ANXA10: variants seen among roughly 807,000 people sequenced by gnomAD.
The protein encoded by ANXA10 is annexin 14.
Under a neutral mutation model 53.5 loss-of-function variants are expected in ANXA10, and 49 were observed. The ratio of observed to expected loss-of-function variants is 0.92; its 90% CI spans 0.73 to 1.16. The LOEUF is 1.16. ANXA10 is among the 50% of genes most tolerant of loss of function. The pLI is 0.00. For missense variants in ANXA10, 393 were observed against 394.4 expected, an observed-to-expected ratio of 1.00 and a Z score of 0.03; for synonymous variants, 131 against 128.9, an observed-to-expected ratio of 1.02 and a Z score of -0.11.
intron 1 of ANXA10, among the ~76,000 whole-genome samples, chr4:168,093,358 A>G (rs1579194968): frequency 6.6e-6 from 1 of 152,182 alleles, no homozygotes; most frequent in East Asian, 1.9e-4. Context: ...GAATCATTTT[A>G]GTCCAACTGC....
intron 1 of ANXA10, among the ~76,000 whole-genome samples, chr4:168,110,060 A>G (rs1403063302): frequency 6.6e-6 from 1 of 152,020 alleles, no homozygotes; most frequent in African/African-American, 2.4e-5. Context: ...AATACAAAAG[A>G]ATTAGCCAGA....
intron 2 of ANXA10, among the ~76,000 whole-genome samples, chr4:168,138,251 G>A (rs1306037393): frequency 2.6e-5 from 4 of 152,006 alleles, no homozygotes; most frequent in Admixed American, 6.6e-5. Flanking sequence ...ATGAGCCATC[G>A]TGCCTGGCCA....
chr4:168,152,138 A>C (rs1442249942), intron 3 of ANXA10, among the ~76,000 whole-genome samples: 1 of 152,226 alleles, frequency 6.6e-6, no homozygotes, highest in Non-Finnish European at 1.5e-5. Flanking sequence ...CATGCATAGA[A>C]GGCAATAAAT....
chr4:168,184,984 C>A (rs1431258857), intron 11 of ANXA10, among the ~76,000 whole-genome samples: 2 of 152,076 alleles, frequency 1.3e-5, no homozygotes, highest in Admixed American at 6.5e-5. Context: ...GAAACCCCGT[C>A]TCTACTAAAA....
At chr4:168,126,305 T>C (rs952472516) in intron 1 of ANXA10, among the ~76,000 whole-genome samples, 8 of 152,322 alleles carry the variant, frequency 5.3e-5, no homozygotes, top group Admixed American at 3.3e-4. Context: ...AAATCTGTAT[T>C]TATTGAAAAC....
At chr4:168,175,198 G>T (rs1454672957) in intron 6 of ANXA10, among the ~76,000 whole-genome samples, 2 of 152,162 alleles carry the variant, frequency 1.3e-5, no homozygotes, top group African/African-American at 2.4e-5. Flanking sequence ...AGTGATGAAA[G>T]TATAGCAAGA....
rs1200747514 is a variant in ANXA10 at position 168,151,911 on chromosome 4, C to A, written c.196-10617C>A. 2.0e-5 allele frequency among the ~76,000 whole-genome samples: 3 copies of A among 152,178 alleles called. No homozygotes were observed. In the South Asian group the frequency reaches 6.2e-4, roughly 32 times the overall value. On this transcript the variant is annotated intron_variant, in intron 3 of 11. Coordinates refer to ENST00000359299, the MANE Select transcript of ANXA10 (RefSeq NM_007193.5). ...ATAAGGACCTTCACTTATTTATGTT[C>A]AAATTGCCAAGAATGACTCCAAACA... is the stretch of plus-strand genomic sequence containing the variant.
chr4:168,114,810 G>A (rs190225160), intron 1 of ANXA10, among the ~76,000 whole-genome samples: 16 of 152,226 alleles, frequency 1.1e-4, no homozygotes, highest in East Asian at 3.9e-4. Context: ...TGTGCCTGCC[G>A]AAGACACGAT....
In ANXA10 at chr4:168,139,531, A is replaced by G; in HGVS notation, c.146A>G (p.Asn49Ser). The G allele has an allele frequency of 6.2e-7, 1 of 1,613,330 alleles. No homozygotes were observed. Among genetic ancestry groups the G allele is most frequent in the East Asian group, 2.2e-5 (1 of 44,822 alleles). The change falls in exon 3 of 12, where the codon AAT becomes AGT. Residue 49 changes from asparagine (N) to serine (S), a missense_variant. Asn to Ser is a conservative substitution (Grantham distance 46). Coordinates refer to ENST00000359299, the MANE Select transcript of ANXA10 (RefSeq NM_007193.5). ...ATCAACATTCTGACTCAGCGCTGCA[A>G]TGCACAAAGGATGATGATTGCAGAG... ...MLINILTQRCNAQRMMIAEAY... is the reference protein window; with the variant it reads ...MLINILTQRCSAQRMMIAEAY...
chr4:168,128,678 G>A (rs1427018363), intron 2 of ANXA10, among the ~76,000 whole-genome samples: 1 of 152,008 alleles, frequency 6.6e-6, no homozygotes, highest in African/African-American at 2.4e-5. Flanking sequence ...TCAAGAATCT[G>A]TTCAGATGAG....
chr4:168,180,666 G>A (rs1448954737), intron 9 of ANXA10, among the ~76,000 whole-genome samples: 2 of 152,148 alleles, frequency 1.3e-5, no homozygotes, highest in African/African-American at 2.4e-5. Context: ...AAAAATGAAA[G>A]AAAAGATGAG....
intron 1 of ANXA10, among the ~76,000 whole-genome samples, chr4:168,119,838 A>G (rs1393206977): frequency 1.3e-5 from 2 of 152,110 alleles, no homozygotes; most frequent in Non-Finnish European, 2.9e-5. Context: ...AAGTATATAC[A>G]TACCAAATTA....
intron 2 of ANXA10, among the ~76,000 whole-genome samples, chr4:168,133,413 A>G (rs895350905): frequency 2.0e-5 from 3 of 152,096 alleles, no homozygotes; most frequent in Non-Finnish European, 4.4e-5. Flanking sequence ...AGATGAAAAA[A>G]TGGCTGAATT....
chr4:168,170,611 A>G (rs1236879140), intron 6 of ANXA10, among the ~76,000 whole-genome samples: 2 of 152,188 alleles, frequency 1.3e-5, no homozygotes, highest in Non-Finnish European at 2.9e-5. Flanking sequence ...AACATTAAAT[A>G]TATGTATGAG....
chr4:168,112,946 T>C (rs1487867394), intron 1 of ANXA10, among the ~76,000 whole-genome samples: 2 of 151,786 alleles, frequency 1.3e-5, no homozygotes, highest in Non-Finnish European at 2.9e-5. Context: ...TCGCTTTAAT[T>C]TGGGAGGCAA....
chr4:168,182,927 C>G (rs934863055), intron 10 of ANXA10, among the ~76,000 whole-genome samples: 3 of 147,584 alleles, frequency 2.0e-5, no homozygotes, highest in African/African-American at 7.5e-5. Context: ...GGAGAATGGC[C>G]TGAACCCTGG....
chr4:168,137,856 T>G (rs1731262733), intron 2 of ANXA10, among the ~76,000 whole-genome samples: 1 of 152,168 alleles, frequency 6.6e-6, no homozygotes, highest in Non-Finnish European at 1.5e-5. Flanking sequence ...CTTTGAGAAA[T>G]CTTCATACTG....
intron 2 of ANXA10, among the ~76,000 whole-genome samples, chr4:168,139,086 T>A (rs1012993154): frequency 6.6e-6 from 1 of 152,182 alleles, no homozygotes; most frequent in Admixed American, 6.5e-5. Context: ...GGGTGTTTTT[T>A]ATTTTTTTCT....
At chr4:168,099,756 CT>C (rs925977935) in intron 1 of ANXA10, among the ~76,000 whole-genome samples, 15 of 151,828 alleles carry the variant, frequency 9.9e-5, no homozygotes, top group African/African-American at 3.6e-4. Flanking sequence ...TGGACTTGGT[CT>C]TTTTTTTAAA....
Sources: gnomAD v4.1 joint callset for allele counts (sites outside exome capture counted in the v4.1 genomes callset) on GRCh38, gnomAD v4.1.1 for gene constraint, MANE v1.5 for transcripts, NCBI Gene and HGNC (gene_info 2026-07-23, HGNC 2026-07-21) for gene names.